NLRP7: variants seen among roughly 807,000 people sequenced by gnomAD.
NLRP7 encodes the protein NLR family pyrin domain containing 7.
A neutral mutation model predicts 85.5 loss-of-function variants in NLRP7; 72 were observed. The ratio of observed to expected loss-of-function variants is 0.84; its 90% CI spans 0.70 to 1.02. The LOEUF is 1.02. Ranked by LOEUF, NLRP7 falls within the 50% of genes least tolerant of loss-of-function variation. The pLI, the probability that NLRP7 is intolerant of heterozygous loss-of-function variation, is 0.00. For missense variants in NLRP7, 1,243 were observed against 1,219.5 expected (o/e 1.02, Z -0.29); for synonymous variants, 550 against 505.2 (o/e 1.09, Z -1.19).
intron 9 of NLRP7, among the ~76,000 whole-genome samples, chr19:54,929,580 G>A (rs992983465): frequency 6.6e-6 from 1 of 152,182 alleles, no homozygotes; most frequent in South Asian, 2.1e-4. Context: ...TTCTGGGGGT[G>A]GTATCCCACC....
chr19:54,949,307 G>A (rs769339804), upstream of NLRP7, among the ~76,000 whole-genome samples: 3 of 151,738 alleles, frequency 2.0e-5, no homozygotes, highest in Non-Finnish European at 4.4e-5. Flanking sequence ...CAGGCGCAGT[G>A]GTTCATGAAT....
At chr19:54,937,900 CAAAAA>C (rs59058059) in intron 5 of NLRP7, 139 bp downstream of exon 5, 810 of 512,746 alleles carry the variant, frequency 1.6e-3, no homozygotes, top group East Asian at 2.2e-3. Context: ...TCCGTCTCAC[CAAAAA>C]AAAAAAAAAA....
At position 54,930,481 on chromosome 19, in the gene NLRP7, A is replaced by T. The variant is rs769137545; in HGVS notation, c.2810+18T>A. 25 of 1,569,706 alleles carry T rather than the reference A, an allele frequency of 1.6e-5. No homozygotes were observed. Among genetic ancestry groups the T allele is most frequent in the Non-Finnish European group, 2.2e-5 (25 of 1,140,802 alleles). On this transcript the variant is annotated intron_variant, in intron 9 of 9. Coordinates refer to ENST00000340844, the Ensembl canonical transcript of NLRP7. ...TGTCTCAAAAAAAGAAAGAAAGAAGAAAAAGAAAATCGCCTACCGTAGGTG... is the reference window on the plus strand; with the variant it reads ...TGTCTCAAAAAAAGAAAGAAAGAAGTAAAAGAAAATCGCCTACCGTAGGTG...
chr19:54,947,759 C>G (rs745408315), upstream of NLRP7: 91 of 791,752 alleles, frequency 1.1e-4, no homozygotes, highest in Non-Finnish European at 1.6e-4. Flanking sequence ...AATTCCCTTC[C>G]TAGACCACCC....
intron 9 of NLRP7, among the ~76,000 whole-genome samples, chr19:54,924,282 A>C (rs2146132191): frequency 6.6e-6 from 1 of 152,230 alleles, no homozygotes; most frequent in East Asian, 1.9e-4. Context: ...AAGTTTTCTA[A>C]AAAGAAATTT....
rs552294197 is a variant in NLRP7 at position 54,941,361 on chromosome 19, G to A, written c.277+74C>T. The A allele has an allele frequency of 3.5e-4, 368 of 1,064,896 alleles. 1 individual carries two copies. Among genetic ancestry groups the A allele is most frequent in the African/African-American group, 1.4e-3 (72 of 52,170 alleles). 66.0% of individuals were successfully genotyped at this position (1,064,896 alleles called of 1,614,324 possible). A position where few individuals can be genotyped will look rare whatever the true frequency, so the allele number is the denominator to read the frequency against. ...TCCAGCCTTACACTCCAGCCTGGGCGACAGAACGAGACTCCATCTCAAAAA... is the reference window on the plus strand; with the variant it reads ...TCCAGCCTTACACTCCAGCCTGGGCAACAGAACGAGACTCCATCTCAAAAA... On this transcript the variant is annotated intron_variant, in intron 2 of 9. Coordinates refer to ENST00000340844, the Ensembl canonical transcript of NLRP7.
intron 1 of NLRP7, among the ~76,000 whole-genome samples, chr19:54,961,328 T>C (rs1320482729): frequency 6.6e-6 from 1 of 151,712 alleles, no homozygotes; most frequent in African/African-American, 2.4e-5. Flanking sequence ...CCGGCCAAGG[T>C]GGTGAAACCC....
intron 4 of NLRP7, among the ~76,000 whole-genome samples, chr19:54,938,652 G>A (rs1022971470): frequency 6.6e-6 from 1 of 152,176 alleles, no homozygotes; most frequent in Non-Finnish European, 1.5e-5. Flanking sequence ...CTTGAACCCG[G>A]GAGGCGGAGG....
intron 1 of NLRP7, among the ~76,000 whole-genome samples, chr19:54,960,262 T>C (rs1316245023): frequency 6.6e-6 from 1 of 151,680 alleles, no homozygotes; most frequent in African/African-American, 2.4e-5. Flanking sequence ...TTCAAGCAAT[T>C]CTCCTCCCTC....
intron 1 of NLRP7, among the ~76,000 whole-genome samples, chr19:54,961,063 A>C (rs2070025591): frequency 6.6e-6 from 1 of 152,018 alleles, no homozygotes; most frequent in Non-Finnish European, 1.5e-5. Context: ...TTATAAATGT[A>C]AATATTTATA....
chr19:54,923,771 G>C (rs144955489), exon 10 of NLRP7: 5 of 1,613,678 alleles, frequency 3.1e-6, no homozygotes. Context: ...CGGAGGTGCC[G>C]TTGCCCCGGA....
intron 1 of NLRP7, among the ~76,000 whole-genome samples, chr19:54,943,550 G>C (rs1007961358): frequency 6.9e-6 from 1 of 144,956 alleles, no homozygotes; most frequent in Admixed American, 6.9e-5. Context: ...GCAGTGAGCG[G>C]AGATCGCGCC....
exon 4 of NLRP7, chr19:54,940,261 C>T (rs765979171): frequency 1.2e-6 from 2 of 1,614,044 alleles, no homozygotes; most frequent in African/African-American, 1.3e-5. Context: ...TTTTGGCCAG[C>T]GTGGTTTTCC....
At chr19:54,945,890 C>T (rs1426154119) in intron 1 of NLRP7, among the ~76,000 whole-genome samples, 1 of 150,432 alleles carries the variant, frequency 6.6e-6, no homozygotes, top group Non-Finnish European at 1.5e-5. Flanking sequence ...CCCAGGTTCA[C>T]GCCATTCTCC....
At chr19:54,962,085 A>G (rs1602248707) in intron 1 of NLRP7, among the ~76,000 whole-genome samples, 1 of 137,582 alleles carries the variant, frequency 7.3e-6, no homozygotes, top group Non-Finnish European at 1.6e-5. Context: ...ATCACAGGAA[A>G]CCGGCAGGCA....
At chr19:54,962,896 G>A (rs550627505) in intron 1 of NLRP7, among the ~76,000 whole-genome samples, 21 of 152,214 alleles carry the variant, frequency 1.4e-4, no homozygotes, top group African/African-American at 5.1e-4. Flanking sequence ...ACCACACTGG[G>A]CCCCCTCACT....
At chr19:54,962,839 T>C (rs2070105035) in intron 1 of NLRP7, among the ~76,000 whole-genome samples, 1 of 151,342 alleles carries the variant, frequency 6.6e-6, no homozygotes, top group East Asian at 2.0e-4. Flanking sequence ...GACCTCGTGA[T>C]CCGCCCGCCT....
exon 4 of NLRP7, chr19:54,939,228 C>T: frequency 6.2e-7 from 1 of 1,614,226 alleles, no homozygotes; most frequent in Non-Finnish European, 8.5e-7. Flanking sequence ...AACTCCTTGG[C>T]TCTCTTCTCG....
At chr19:54,927,388 A>G (rs1362445628) in intron 9 of NLRP7, among the ~76,000 whole-genome samples, 1 of 151,324 alleles carries the variant, frequency 6.6e-6, no homozygotes, top group Non-Finnish European at 1.5e-5. Flanking sequence ...TCTCAAAAAA[A>G]AAAAAAGAAA....
Sources: gnomAD v4.1 joint callset for allele counts (sites outside exome capture counted in the v4.1 genomes callset) on GRCh38, gnomAD v4.1.1 for gene constraint, MANE v1.5 for transcripts, NCBI Gene and HGNC (gene_info 2026-07-23, HGNC 2026-07-21) for gene names.